The following EEF2KMT variants were observed in gnomAD, a reference collection of about 807,000 sequenced individuals.
The protein encoded by EEF2KMT is eukaryotic elongation factor 2 lysine methyltransferase.
In EEF2KMT, 30 loss-of-function variants were observed where a neutral mutation model predicts 35.1. That is an observed-to-expected ratio of 0.85 (90% CI 0.64 to 1.16). The LOEUF (loss-of-function observed/expected upper bound fraction) is 1.16. Ranked by LOEUF, EEF2KMT falls within the 50% of genes most tolerant of loss-of-function variation. The pLI, the probability that EEF2KMT is intolerant of heterozygous loss-of-function variation, is 0.00. For missense variants in EEF2KMT, 499 were observed against 438.2 expected (o/e 1.14, Z -1.24); for synonymous variants, 190 against 187.7 (o/e 1.01, Z -0.10).
At chr16:5,089,480 AC>A (rs1957294371) in intron 6 of EEF2KMT, 2 of 657,240 alleles carry the variant, frequency 3.0e-6, no homozygotes, top group Non-Finnish European at 2.5e-6. Flanking sequence ...AAATCTCCAG[AC>A]TCACTGGTGT....
Position 5,085,791 on chromosome 16 carries a change from A to G in EEF2KMT, c.893-59T>C, listed in dbSNP as rs1691634422. 3.1e-6 allele frequency: 4 copies of G among 1,305,208 alleles called. No homozygotes were observed. The Admixed American group carries it at 5.0e-5, about 16-fold the overall frequency. 80.9% of individuals were successfully genotyped at this position (1,305,208 alleles called of 1,614,324 possible). A position where few individuals can be genotyped will look rare whatever the true frequency, so the allele number is the denominator to read the frequency against. The stretch of plus-strand genomic sequence containing the variant: ...GTGTTTGGGGACAGGACATGAGGGT[A>G]TTGTGTGGGGCTGCTAGGACAGGCC... On this transcript the variant is annotated intron_variant, in intron 7 of 7. Transcript: ENST00000427587.
chr16:5,088,715 C>A (rs1385392719), intron 7 of EEF2KMT, among the ~76,000 whole-genome samples: 1 of 152,142 alleles, frequency 6.6e-6, no homozygotes, highest in East Asian at 1.9e-4. Flanking sequence ...GTGCTCAGGA[C>A]AGTGGCGTGG....
chr16:5,089,722 G>A (rs922128462), intron 6 of EEF2KMT, among the ~76,000 whole-genome samples: 10 of 152,184 alleles, frequency 6.6e-5, no homozygotes, highest in Non-Finnish European at 1.2e-4. Flanking sequence ...GCTGGCAGGG[G>A]TGAGGGGTTT....
intron 6 of EEF2KMT, 143 bp from the exon 7 acceptor site, chr16:5,089,399 A>G (rs1957293000): frequency 8.7e-7 from 1 of 1,153,436 alleles, no homozygotes; most frequent in Non-Finnish European, 1.2e-6. Context: ...ATTAGATGGA[A>G]AGGCAATTAC....
rs1055697 is a variant in EEF2KMT, at chr16:5,087,021, C to G, written c.893-1289G>C. ...AGTTTTTTGTTACGAGTGGAAAATG[C>G]GTATTTATAAGAATGAAGTAGTACA... is the stretch of plus-strand genomic sequence containing the variant. On this transcript the variant is annotated intron_variant, in intron 7 of 7. Transcript: ENST00000427587. The G allele has an allele frequency of 3.3e-5, 5 of 152,166 alleles. No individual in the cohort carries two copies. The South Asian group carries it at 6.2e-4, about 19-fold the overall frequency. 9.4% of individuals were successfully genotyped at this position (152,166 alleles called of 1,614,324 possible).
Position 5,089,118 on chromosome 16 carries a change from G to A in EEF2KMT, c.881C>T (p.Thr294Ile), listed in dbSNP as rs1319455363. ...VRNPETCQLF[T>I]TELGRAGIRW... is the part of the protein sequence containing the mutation. ...GCGTGGAGGCTCACCTAGCTCGGTG[G>A]TGAACAGCTGGCACGTCTCTGGGTT... Residue 294 changes from threonine to isoleucine, a missense_variant, in exon 7 of 8, where the codon ACC (threonine) becomes ATC (isoleucine). Physicochemically the swap from Thr to Ile is moderately conservative, Grantham distance 89. Transcript: ENST00000427587. 6.2e-7 allele frequency: 1 copy of A among 1,612,866 alleles called. No homozygotes were observed. The highest frequency in any genetic ancestry group is 8.5e-7 in the Non-Finnish European group (1 of 1,179,858).
At position 5,089,216 on chromosome 16, in the gene EEF2KMT, C is replaced by G. The variant is rs9745857; in HGVS notation, c.783G>C (p.Gly261=). The part of the protein sequence containing the change: ...YCPEAIMSLV[G]VLRRLAACRE... ...GGCAGGCAGCCAGCCTCCGCAGGAC[C>G]CCGACCAGCGACATGATGGCTTCTG... The change falls in exon 7 of 8, where the codon GGG becomes GGC. Residue 261 remains glycine, a synonymous_variant. Coordinates refer to ENST00000427587, the MANE Select transcript of EEF2KMT (RefSeq NM_201400.4). 0.87 allele frequency: 1,407,020 copies of G among 1,608,962 alleles called. 617,254 individuals carry two copies. Among genetic ancestry groups the G allele is most frequent in the Non-Finnish European group, 0.89 (1,051,928 of 1,179,814 alleles).
chr16:5,090,748 G>A lies in EEF2KMT; in HGVS notation c.343-183C>T, dbSNP rs1337612022. On this transcript the variant is annotated intron_variant, in intron 4 of 7. Coordinates refer to ENST00000427587, the MANE Select transcript of EEF2KMT (RefSeq NM_201400.4). The surrounding 1 kb of genome is among the most constrained non-coding windows in gnomAD (Gnocchi z 4.1). ...GGGCCTCAAGGGTGTCACGCGGTGT[G>A]AAAGACACTCATCTCAGGCCACACA... 1.3e-5 allele frequency among the ~76,000 whole-genome samples: 2 copies of A among 152,076 alleles called. No individual in the cohort carries two copies. The highest frequency in any genetic ancestry group is 3.9e-4 in the East Asian group (2 of 5,176).
intron 7 of EEF2KMT, among the ~76,000 whole-genome samples, 177 bp downstream of exon 7, chr16:5,088,930 G>A (rs549483456): frequency 2.6e-5 from 4 of 152,276 alleles, no homozygotes; most frequent in South Asian, 4.1e-4. Context: ...TCCTCCTGCC[G>A]CAAGCCCCCC....
In EEF2KMT at chr16:5,090,063, G is replaced by T. The variant is rs1404887228; in HGVS notation, c.742+21C>A. The T allele has an allele frequency of 6.2e-7, 1 of 1,600,564 alleles. No individual in the cohort carries two copies. Among genetic ancestry groups the T allele is most frequent in the Admixed American group, 1.7e-5 (1 of 59,998 alleles). Reference sequence around the variant, plus strand: ...GCTGCAAGGACACCACCTGCACAGGGTGCCCGGGGCTGGGCATTACCTGCT... The same window carrying T: ...GCTGCAAGGACACCACCTGCACAGGTTGCCCGGGGCTGGGCATTACCTGCT... On this transcript the variant is annotated intron_variant, in intron 6 of 7. Coordinates refer to ENST00000427587, the MANE Select transcript of EEF2KMT (RefSeq NM_201400.4). This position sits in a 1 kb window ranked among gnomAD's most constrained non-coding sequence, Gnocchi z 4.1.
chr16:5,089,366 G>C (rs1373430654), intron 6 of EEF2KMT, 110 bp from the exon 7 acceptor site: 52 of 1,428,676 alleles, frequency 3.6e-5, no homozygotes, highest in Non-Finnish European at 4.6e-5. Context: ...GAGACTAGTA[G>C]ATGCCATTTG....
chr16:5,093,456 T>G, intron 3 of EEF2KMT, 28 bp downstream of exon 3: 1 of 1,611,956 alleles, frequency 6.2e-7, no homozygotes. Flanking sequence ...GCTGTCCGGC[T>G]ACTGGGCGGA....
At chr16:5,091,142 C>T (rs1049964503) in intron 4 of EEF2KMT, among the ~76,000 whole-genome samples, 59 of 152,168 alleles carry the variant, frequency 3.9e-4, no homozygotes, top group African/African-American at 1.0e-3. Flanking sequence ...AGTGCAATAG[C>T]ATGATCTTGG....
rs1957305272 is a variant in EEF2KMT at position 5,089,961 on chromosome 16, C to G, written c.742+123G>C. 4.0e-6 allele frequency: 6 copies of G among 1,485,506 alleles called. No individual in the cohort carries two copies. In the East Asian group the frequency reaches 7.3e-5, roughly 18 times the overall value. 92.0% of individuals were successfully genotyped at this position (1,485,506 alleles called of 1,614,324 possible). A position where few individuals can be genotyped will look rare whatever the true frequency, so the allele number is the denominator to read the frequency against. ...ATGTCACCCTGGAGGCCCAGAGTAA[C>G]TCTTCTGGAAGCCCCATCATGTCCA... On this transcript the variant is annotated intron_variant, in intron 6 of 7. Coordinates refer to ENST00000427587, the MANE Select transcript of EEF2KMT (RefSeq NM_201400.4).
Position 5,084,802 on chromosome 16 carries a change from A to G in EEF2KMT, c.*830T>C, listed in dbSNP as rs1281758881. 6.3e-6 allele frequency: 10 copies of G among 1,596,480 alleles called. No homozygotes were observed. Among genetic ancestry groups the G allele is most frequent in the Non-Finnish European group, 8.5e-6 (10 of 1,179,782 alleles). Reference sequence around the variant, plus strand: ...GCGGGCAAGCTAAACCAGTTCCGGAAGAACCTGCGGGAGTCGCAGCAGCTC... The same window carrying G: ...GCGGGCAAGCTAAACCAGTTCCGGAGGAACCTGCGGGAGTCGCAGCAGCTC... On this transcript the variant is annotated 3_prime_UTR_variant, in exon 8 of 8. Transcript: ENST00000427587.
At chr16:5,093,170 G>A (rs1276807997) in intron 3 of EEF2KMT, among the ~76,000 whole-genome samples, 1 of 152,250 alleles carries the variant, frequency 6.6e-6, no homozygotes, top group Non-Finnish European at 1.5e-5. Context: ...GACAGAGGGT[G>A]CGGGTGAGGG....
chr16:5,095,846 G>A (rs78147511), intron 1 of EEF2KMT, among the ~76,000 whole-genome samples: 32,056 of 46,266 alleles, frequency 0.69, 12,567 homozygotes, highest in Middle Eastern at 0.86. Flanking sequence ...TCTAAGTGGA[G>A]ATGCAGAATG....
At position 5,088,995 on chromosome 16, in the gene EEF2KMT, G is replaced by C. The variant is rs755064516; in HGVS notation, c.892+112C>G. The C allele has an allele frequency of 2.5e-6, 4 of 1,594,088 alleles. No individual in the cohort carries two copies. In the East Asian group the frequency reaches 6.7e-5, roughly 27 times the overall value. ...TCTGCCTGAGTTCCCCCCATGGTGT[G>C]GGAGTGTGGGGCAACCTAGCTTTTC... On this transcript the variant is annotated intron_variant, in intron 7 of 7. Coordinates refer to ENST00000427587, the MANE Select transcript of EEF2KMT (RefSeq NM_201400.4).
chr16:5,093,017 C>G (rs920944773), intron 3 of EEF2KMT, among the ~76,000 whole-genome samples: 1 of 152,226 alleles, frequency 6.6e-6, no homozygotes, highest in Non-Finnish European at 1.5e-5. Context: ...CAGGAAAGAG[C>G]TCATTCCAGC....
Sources: gnomAD v4.1 joint callset for allele counts (sites outside exome capture counted in the v4.1 genomes callset) on GRCh38, gnomAD v4.1.1 for gene constraint, Gnocchi (gnomAD v3.1) non-coding constraint, MANE v1.5 for transcripts, NCBI Gene and HGNC (gene_info 2026-07-23, HGNC 2026-07-21) for gene names.